Variants in MINDY2 observed in about 807,000 individuals in gnomAD.
The protein encoded by MINDY2 is ubiquitin carboxyl-terminal hydrolase MINDY-2.
A neutral mutation model predicts 68.2 loss-of-function variants in MINDY2; 52 were observed. The observed-to-expected ratio is 0.76, with a 90% CI of 0.61 to 0.96. The LOEUF (loss-of-function observed/expected upper bound fraction) is 0.96. Among genes scored for constraint, MINDY2 ranks in the 40% least tolerant of loss-of-function variants. The probability of loss-of-function intolerance (pLI) is 0.00; values close to 1 mark genes in which losing one functional copy is unlikely to be tolerated. For missense variants in MINDY2, 881 were observed against 773.4 expected, an observed-to-expected ratio of 1.14 and a Z score of -1.65; for synonymous variants, 372 against 303.0, an observed-to-expected ratio of 1.23 and a Z score of -2.36.
At position 58,815,921 on chromosome 15, in the gene MINDY2, G is replaced by A. The variant is rs531477862; in HGVS notation, c.1122+5533G>A. 9.9e-5 allele frequency among the ~76,000 whole-genome samples: 15 copies of A among 151,458 alleles called. No individual in the cohort carries two copies. The South Asian group carries it at 1.7e-3, about 17-fold the overall frequency. On this transcript the variant is annotated intron_variant, in intron 4 of 8. Transcript: ENST00000559228. ...TCTCGATCTCTTGACCTCGTGATCC[G>A]TCTGCCTCGGCCTCCCAAAGTGCTG...
intron 6 of MINDY2, among the ~76,000 whole-genome samples, chr15:58,843,400 C>T (rs1453595896): frequency 6.6e-6 from 1 of 152,162 alleles, no homozygotes; most frequent in African/African-American, 2.4e-5. Context: ...ATATGTCCAC[C>T]TCAGCCTCCC....
At chr15:58,840,073 G>C (rs902176569) in intron 6 of MINDY2, among the ~76,000 whole-genome samples, 1 of 151,972 alleles carries the variant, frequency 6.6e-6, no homozygotes, top group Non-Finnish European at 1.5e-5. Flanking sequence ...ACCTCAGGCA[G>C]TCTGCCCGCC....
intron 6 of MINDY2, among the ~76,000 whole-genome samples, chr15:58,846,714 C>G (rs1378381829): frequency 6.6e-6 from 1 of 151,416 alleles, no homozygotes; most frequent in Admixed American, 6.6e-5. Flanking sequence ...TGTGATAAGG[C>G]AGGAAAATAC....
chr15:58,841,873 C>G (rs1179444590), intron 6 of MINDY2, among the ~76,000 whole-genome samples: 1 of 152,084 alleles, frequency 6.6e-6, no homozygotes, highest in Non-Finnish European at 1.5e-5. Context: ...CATTTCTGTC[C>G]TAGAAACAGA....
At chr15:58,807,685 G>A (rs1228856418) in intron 3 of MINDY2, among the ~76,000 whole-genome samples, 4 of 152,110 alleles carry the variant, frequency 2.6e-5, no homozygotes, top group African/African-American at 7.2e-5. Context: ...TATTCCAGAT[G>A]TATATGACTA....
intron 6 of MINDY2, among the ~76,000 whole-genome samples, chr15:58,846,321 C>T (rs1004806483): frequency 6.6e-6 from 1 of 152,100 alleles, no homozygotes; most frequent in Non-Finnish European, 1.5e-5. Context: ...AGGCCAGGCG[C>T]GGTGGCTCAC....
intron 1 of MINDY2, among the ~76,000 whole-genome samples, chr15:58,773,972 C>T (rs538948587): frequency 3.3e-5 from 5 of 152,246 alleles, no homozygotes; most frequent in East Asian, 1.9e-4. Context: ...CTTGCTCTAA[C>T]GGGCCAGAGT....
At chr15:58,849,234 G>A (rs1167531624) in intron 7 of MINDY2, among the ~76,000 whole-genome samples, 4 of 151,766 alleles carry the variant, frequency 2.6e-5, no homozygotes, top group Non-Finnish European at 5.9e-5. Flanking sequence ...TGGGCACGGT[G>A]GCTCACACCT....
At chr15:58,782,553 G>C (rs1901215194) in intron 1 of MINDY2, among the ~76,000 whole-genome samples, 1 of 152,102 alleles carries the variant, frequency 6.6e-6, no homozygotes, top group Non-Finnish European at 1.5e-5. Flanking sequence ...CTGAGCCTTA[G>C]AGTCAACTTT....
At chr15:58,839,923 C>G (rs2032195038) in intron 6 of MINDY2, among the ~76,000 whole-genome samples, 1 of 151,728 alleles carries the variant, frequency 6.6e-6, no homozygotes, top group Non-Finnish European at 1.5e-5. Context: ...ACCTCCACCT[C>G]CCAGGTTCAA....
intron 4 of MINDY2, among the ~76,000 whole-genome samples, chr15:58,816,580 A>C (rs879405677): frequency 6.6e-6 from 1 of 152,092 alleles, no homozygotes; most frequent in Non-Finnish European, 1.5e-5. Context: ...TCACATACAA[A>C]GTATTTTAAA....
At chr15:58,772,273 G>A in intron 1 of MINDY2, 38 bp downstream of exon 1, 1 of 1,602,000 alleles carries the variant, frequency 6.2e-7, no homozygotes. Context: ...CAGCTTTTGG[G>A]GTGGAGGAAA....
At chr15:58,839,629 G>T (rs2032181095) in intron 6 of MINDY2, among the ~76,000 whole-genome samples, 1 of 151,934 alleles carries the variant, frequency 6.6e-6, no homozygotes, top group South Asian at 2.1e-4. Flanking sequence ...ATTGCACCCA[G>T]CCTAGGGTTA....
chr15:58,827,673 C>T (rs1191805310), intron 5 of MINDY2, among the ~76,000 whole-genome samples: 9 of 152,166 alleles, frequency 5.9e-5, no homozygotes, highest in East Asian at 1.9e-4. Flanking sequence ...ACCGTGGTCT[C>T]GATCTCCTGA....
rs182135956 is a variant in MINDY2, at chr15:58,792,439, C to T, written c.898+4476C>T. Among the ~76,000 whole-genome samples the T allele has an allele frequency of 2.0e-5, 3 of 152,278 alleles. No individual in the cohort carries two copies. The East Asian group carries it at 5.8e-4, about 29-fold the overall frequency. ...TGGCCAACATGGTAAAACCCCGTCTCTACTAAGAACATAAAAATTAGCCGG... is the reference window on the plus strand; with the variant it reads ...TGGCCAACATGGTAAAACCCCGTCTTTACTAAGAACATAAAAATTAGCCGG... On this transcript the variant is annotated intron_variant, in intron 2 of 8. Coordinates refer to ENST00000559228, the MANE Select transcript of MINDY2 (RefSeq NM_001040450.3).
At chr15:58,805,838 G>A (rs1902969594) in intron 3 of MINDY2, among the ~76,000 whole-genome samples, 2 of 152,172 alleles carry the variant, frequency 1.3e-5, no homozygotes, top group Non-Finnish European at 2.9e-5. Flanking sequence ...CACTTTGGGA[G>A]GCTGAGGCGG....
chr15:58,847,074 T>C (rs2032573316), intron 6 of MINDY2, among the ~76,000 whole-genome samples: 1 of 152,196 alleles, frequency 6.6e-6, no homozygotes, highest in African/African-American at 2.4e-5. Context: ...AGAGCTCTTA[T>C]TTCTTGTTAT....
intron 4 of MINDY2, 130 bp from the exon 5 acceptor site, chr15:58,821,587 T>G: frequency 2.6e-6 from 1 of 377,730 alleles, no homozygotes; most frequent in African/African-American, 2.1e-5. Context: ...TTAGTGCTGA[T>G]TTTGTTTTTC....
At chr15:58,785,567 A>G (rs1480225400) in intron 1 of MINDY2, among the ~76,000 whole-genome samples, 1 of 152,220 alleles carries the variant, frequency 6.6e-6, no homozygotes, top group Non-Finnish European at 1.5e-5. Flanking sequence ...AAAAACAGAC[A>G]GTCGACAGTA....
Sources: gnomAD v4.1 joint callset for allele counts (sites outside exome capture counted in the v4.1 genomes callset) on GRCh38, gnomAD v4.1.1 for gene constraint, MANE v1.5 for transcripts, NCBI Gene and HGNC (gene_info 2026-07-23, HGNC 2026-07-21) for gene names.